The following PRDM16 variants were observed in gnomAD, a reference collection of about 807,000 sequenced individuals.
The protein encoded by PRDM16 is histone-lysine N-methyltransferase PRDM16.
PRDM16 carries 23 observed loss-of-function variants against 110.6 expected under a neutral mutation model. That is an observed-to-expected ratio of 0.21 (90% CI 0.15 to 0.29). The LOEUF (loss-of-function observed/expected upper bound fraction) is 0.29, where lower values mean the gene tolerates loss of function less well. PRDM16 is among the 10% of genes least tolerant of loss of function. The pLI is 1.00. For synonymous variants in PRDM16, 799 were observed against 781.8 expected (o/e 1.02, Z -0.37); for missense variants, 1,615 against 1,794.3 (o/e 0.90, Z 1.81).
At position 3,217,039 on chromosome 1, in the gene PRDM16, C is replaced by T. The variant is rs115033617; in HGVS notation, c.388-27048C>T. On this transcript the variant is annotated intron_variant, in intron 2 of 16. Coordinates refer to ENST00000270722, the MANE Select transcript of PRDM16 (RefSeq NM_022114.4). ...AAATGTTGCAGGGCAGCAGGGGAAA[C>T]GGCACCCTCTGTGTGGATAGAAGCA... Among the ~76,000 whole-genome samples, 794 of 152,350 alleles carry T rather than the reference C, an allele frequency of 5.2e-3. 7 individuals are homozygous for T. The highest frequency in any genetic ancestry group is 0.018 in the African/African-American group (746 of 41,590).
chr1:3,314,126 G>T (rs1641541821), intron 3 of PRDM16, among the ~76,000 whole-genome samples: 1 of 147,010 alleles, frequency 6.8e-6, no homozygotes, highest in Admixed American at 6.8e-5. Flanking sequence ...TTAAGGAGCG[G>T]ACCGCCTGAG....
Position 3,396,583 on chromosome 1 carries a change from C to T in PRDM16, c.666C>T (p.Pro222=), listed in dbSNP as rs876657565. ...EGVYPLGTVP[P]GLDEEPTFRC... is the part of the protein sequence containing the mutation. ...TCTACCCCCTGGGCACAGTGCCGCC[C>T]GGCCTGGACGGTAAGACCCCTCCCC... is the stretch of plus-strand genomic sequence containing the variant. The change falls in exon 5 of 17, where the codon CCC becomes CCT. Residue 222 remains proline (P), a synonymous_variant. Transcript: ENST00000270722. 3.4e-5 allele frequency: 53 copies of T among 1,570,284 alleles called. No homozygotes were observed. Among genetic ancestry groups the T allele is most frequent in the Non-Finnish European group, 4.4e-5 (51 of 1,152,542 alleles).
chr1:3,412,091 G>A lies in PRDM16; in HGVS notation c.1894G>A (p.Asp632Asn), dbSNP rs767279028. 3.1e-5 allele frequency: 50 copies of A among 1,589,748 alleles called. No homozygotes were observed. Among genetic ancestry groups the A allele is most frequent in the Non-Finnish European group, 4.1e-5 (48 of 1,166,314 alleles). Residue 632 changes from aspartate (D) to asparagine (N), a missense_variant, in exon 9 of 17, where the codon GAC becomes AAC. By Grantham distance (23) the Asp-to-Asn change is conservative. This residue lies in a region of PRDM16 where 772 missense variants were observed against 748.3 expected (regional missense o/e 1.03). Transcript: ENST00000270722. ...GSDLDSDVDS[D>N]PDKDKGKGKS... is the part of the protein sequence containing the mutation. ...GGACCTGGACAGCGACGTGGACAGC[G>A]ACCCTGACAAGGACAAGGGCAAGGG...
At chr1:3,251,521 G>T (rs559164753) in intron 3 of PRDM16, among the ~76,000 whole-genome samples, 93 of 152,290 alleles carry the variant, frequency 6.1e-4, no homozygotes, top group African/African-American at 2.2e-3. Context: ...GCAGACACCT[G>T]CCTCTGAAGT....
At chr1:3,114,535 CACACATGA>C (rs1557457269) in intron 1 of PRDM16, among the ~76,000 whole-genome samples, 1 of 151,842 alleles carries the variant, frequency 6.6e-6, no homozygotes, top group Non-Finnish European at 1.5e-5. Context: ...CGCACACATG[CACACATGA>C]ACACACACAC....
intron 3 of PRDM16, among the ~76,000 whole-genome samples, chr1:3,283,772 A>G (rs1260269937): frequency 6.6e-6 from 1 of 152,180 alleles, no homozygotes; most frequent in Non-Finnish European, 1.5e-5. Flanking sequence ...AAGGAAGAGT[A>G]TATTTCCCGC....
chr1:3,388,232 CACAA>C (rs938905215), intron 4 of PRDM16, among the ~76,000 whole-genome samples: 3 of 152,238 alleles, frequency 2.0e-5, no homozygotes, highest in East Asian at 1.9e-4. Context: ...CATCCCCACA[CACAA>C]ACACACACAA....
At chr1:3,407,401 G>A (rs1643580174) in intron 8 of PRDM16, among the ~76,000 whole-genome samples, 1 of 152,228 alleles carries the variant, frequency 6.6e-6, no homozygotes, top group South Asian at 2.1e-4. Context: ...CCCATTTGCT[G>A]ACCACCGATC....
chr1:3,149,698 G>A (rs1211408975), intron 1 of PRDM16, among the ~76,000 whole-genome samples: 2 of 152,214 alleles, frequency 1.3e-5, no homozygotes, highest in African/African-American at 4.8e-5. Flanking sequence ...GCAAGATGGT[G>A]CTGAATTTTA....
At chr1:3,427,615 C>T (rs1638646945) in intron 14 of PRDM16, among the ~76,000 whole-genome samples, 1 of 152,128 alleles carries the variant, frequency 6.6e-6, no homozygotes, top group Non-Finnish European at 1.5e-5. Flanking sequence ...AAGCAATAAA[C>T]ACAGGAGGCA....
rs568167925 is a variant in PRDM16 at position 3,219,759 on chromosome 1, T to G, written c.388-24328T>G. ...TCTCTCGCCCTGCATTTCAAGGCTC[T>G]GTAACCGCCCGCCTGCCCTGCTTCA... On this transcript the variant is annotated intron_variant, in intron 2 of 16. Coordinates refer to ENST00000270722, the MANE Select transcript of PRDM16 (RefSeq NM_022114.4). Among the ~76,000 whole-genome samples the G allele has an allele frequency of 5.6e-3, 854 of 152,300 alleles. 6 individuals are homozygous for G. Among genetic ancestry groups the G allele is most frequent in the Non-Finnish European group, 9.8e-3 (667 of 68,024 alleles).
At chr1:3,219,487 G>A (rs1405827161) in intron 2 of PRDM16, among the ~76,000 whole-genome samples, 8 of 152,224 alleles carry the variant, frequency 5.3e-5, no homozygotes, top group African/African-American at 1.4e-4. Flanking sequence ...GGGGTCCAGC[G>A]TGGGAGGAGA....
Position 3,316,930 on chromosome 1 carries a change from A to G in PRDM16, c.439-68222A>G, listed in dbSNP as rs115661563. Among the ~76,000 whole-genome samples, 1,254 of 152,298 alleles carry G rather than the reference A, an allele frequency of 8.2e-3. 15 individuals are homozygous for G. The highest frequency in any genetic ancestry group is 0.028 in the African/African-American group (1,162 of 41,572). ...CAGAGTGTAGCTAAGAAGCATTGAC[A>G]GGAGGTCGCCAGAAAACATTGACAC... On this transcript the variant is annotated intron_variant, in intron 3 of 16. Coordinates refer to ENST00000270722, the MANE Select transcript of PRDM16 (RefSeq NM_022114.4).
chr1:3,174,712 G>A (rs1222591101), intron 1 of PRDM16, among the ~76,000 whole-genome samples: 1 of 152,074 alleles, frequency 6.6e-6, no homozygotes, highest in Non-Finnish European at 1.5e-5. Context: ...TCTGTGCTTC[G>A]GTGGCTCCAA....
chr1:3,177,475 C>T (rs1222696785), intron 1 of PRDM16, among the ~76,000 whole-genome samples: 2 of 152,240 alleles, frequency 1.3e-5, no homozygotes, highest in East Asian at 1.9e-4. Context: ...AAGTTGCTCA[C>T]TCTCTGAGCT....
chr1:3,164,864 T>A (rs1643933063), intron 1 of PRDM16, among the ~76,000 whole-genome samples: 1 of 152,130 alleles, frequency 6.6e-6, no homozygotes. Flanking sequence ...CCCCAGCTCC[T>A]TGGGAGATGC....
chr1:3,347,652 G>A (rs1216026543), intron 3 of PRDM16, among the ~76,000 whole-genome samples: 1 of 152,214 alleles, frequency 6.6e-6, no homozygotes, highest in Admixed American at 6.5e-5. Flanking sequence ...TCCCACTTTG[G>A]AGTCATTTGG....
chr1:3,345,733 GCCCCC>G (rs1401182026), intron 3 of PRDM16, among the ~76,000 whole-genome samples: 1 of 147,940 alleles, frequency 6.8e-6, no homozygotes, highest in Non-Finnish European at 1.5e-5. Context: ...CTCCCGTGCT[GCCCCC>G]TCTGTGGTCC....
intron 3 of PRDM16, among the ~76,000 whole-genome samples, chr1:3,276,738 G>A (rs1419680032): frequency 1.6e-3 from 3 of 1,918 alleles, no homozygotes; most frequent in African/African-American, 3.0e-3. Context: ...GTTTCCTCAC[G>A]GTTTCCCCTT....
Sources: allele counts gnomAD v4.1 joint callset (sites outside exome capture counted in the v4.1 genomes callset), GRCh38; gene constraint gnomAD v4.1.1; regional missense constraint gnomAD v4.1.1; transcripts MANE v1.5; gene names NCBI Gene and HGNC (gene_info 2026-07-23, HGNC 2026-07-21).